Variants in HCRTR2 observed in about 807,000 individuals in gnomAD.
The protein encoded by HCRTR2 is hypocretin receptor 2.
HCRTR2 carries 22 observed loss-of-function variants against 49.0 expected under a neutral mutation model. That is an observed-to-expected ratio of 0.45 (90% CI 0.32 to 0.64). The LOEUF (loss-of-function observed/expected upper bound fraction) is 0.64. Ranked by LOEUF, HCRTR2 falls within the 30% of genes least tolerant of loss-of-function variation. HCRTR2 has a pLI of 0.04. For missense variants in HCRTR2, 491 were observed against 559.4 expected (o/e 0.88, Z 1.23); for synonymous variants, 236 against 205.3 (o/e 1.15, Z -1.28).
At chr6:55,169,175 A>C (rs939228842) in intron 1 of HCRTR2, among the ~76,000 whole-genome samples, 5 of 151,740 alleles carry the variant, frequency 3.3e-5, no homozygotes, top group African/African-American at 1.2e-4. Context: ...ATAAGACAGG[A>C]AGAGTGTTTA....
At chr6:55,197,607 C>G (rs1054102019) in intron 1 of HCRTR2, among the ~76,000 whole-genome samples, 2 of 152,088 alleles carry the variant, frequency 1.3e-5, no homozygotes, top group African/African-American at 2.4e-5. Flanking sequence ...TACCATAACC[C>G]TGAAACTAAG....
chr6:55,234,443 G>A (rs1411500028), intron 1 of HCRTR2, among the ~76,000 whole-genome samples: 1 of 152,130 alleles, frequency 6.6e-6, no homozygotes, highest in Non-Finnish European at 1.5e-5. Flanking sequence ...GGGAGAAATG[G>A]CTAGATTAAT....
chr6:55,266,207 T>C (rs1766857400), intron 4 of HCRTR2, among the ~76,000 whole-genome samples: 1 of 152,194 alleles, frequency 6.6e-6, no homozygotes, highest in South Asian at 2.1e-4. Context: ...ATGTGTTGAA[T>C]TGGTATATGT....
intron 4 of HCRTR2, among the ~76,000 whole-genome samples, chr6:55,269,298 A>G (rs961476777): frequency 6.6e-6 from 1 of 152,120 alleles, no homozygotes; most frequent in Non-Finnish European, 1.5e-5. Flanking sequence ...TATGTCTGCT[A>G]CAACCATTTT....
intron 4 of HCRTR2, among the ~76,000 whole-genome samples, chr6:55,273,478 CCCA>C (rs1452387295): frequency 2.0e-5 from 3 of 152,060 alleles, no homozygotes; most frequent in African/African-American, 7.2e-5. Flanking sequence ...TCCTCCTCCT[CCCA>C]GATAAAATTC....
At chr6:55,257,039 C>T (rs1261321651) in intron 3 of HCRTR2, among the ~76,000 whole-genome samples, 7 of 152,010 alleles carry the variant, frequency 4.6e-5, no homozygotes, top group African/African-American at 1.7e-4. Context: ...CAAAAATTCT[C>T]CAGACTGAGA....
At chr6:55,258,949 G>T (rs2127319446) in intron 3 of HCRTR2, among the ~76,000 whole-genome samples, 1 of 152,258 alleles carries the variant, frequency 6.6e-6, no homozygotes, top group African/African-American at 2.4e-5. Flanking sequence ...TACTCGGGAA[G>T]CTGAGGCAGG....
chr6:55,204,860 A>G (rs1018796183), intron 1 of HCRTR2, among the ~76,000 whole-genome samples: 1 of 150,464 alleles, frequency 6.6e-6, no homozygotes, highest in African/African-American at 2.5e-5. Context: ...ATCTCGACTC[A>G]CTGCAGCTTC....
chr6:55,171,476 A>G (rs1196269116), upstream of HCRTR2, among the ~76,000 whole-genome samples: 1 of 152,226 alleles, frequency 6.6e-6, no homozygotes, highest in Non-Finnish European at 1.5e-5. Flanking sequence ...TTATGTTTCA[A>G]AAGATATCAA....
chr6:55,128,910 G>C (rs1764317327), intron 1 of HCRTR2, among the ~76,000 whole-genome samples: 1 of 152,080 alleles, frequency 6.6e-6, no homozygotes, highest in African/African-American at 2.4e-5. Flanking sequence ...AGGAATAGAT[G>C]TTAAGTATTC....
Position 55,278,314 on chromosome 6 carries a change from T to C in HCRTR2, c.983+714T>C, listed in dbSNP as rs1335834911. On this transcript the variant is annotated intron_variant, in intron 5 of 6. Transcript: ENST00000370862. ...GGCCAGCCAACTTTATTGGGAATTA[T>C]CGAAACTGTTCCACATAGACTGGTC... is the stretch of plus-strand genomic sequence containing the variant. Among the ~76,000 whole-genome samples the C allele has an allele frequency of 2.0e-5, 3 of 152,222 alleles. No individual in the cohort carries two copies. The East Asian group carries it at 5.8e-4, about 29-fold the overall frequency.
At position 55,231,041 on chromosome 6, in the gene HCRTR2, A is replaced by C. The variant is rs1482220770; in HGVS notation, c.224-17598A>C. On this transcript the variant is annotated intron_variant, in intron 1 of 6. Coordinates refer to ENST00000370862, the MANE Select transcript of HCRTR2 (RefSeq NM_001384272.1). The stretch of plus-strand genomic sequence containing the variant: ...TAGGCCCTTGCTATTTCTAGACTTG[A>C]GTGTCATTCAGAAATATGGTTTAGG... Among the ~76,000 whole-genome samples, 4 of 152,138 alleles carry C rather than the reference A, an allele frequency of 2.6e-5. No homozygotes were observed. In the East Asian group the frequency reaches 7.7e-4, roughly 29 times the overall value.
chr6:55,111,276 C>T (rs1764045009), intron 1 of HCRTR2, among the ~76,000 whole-genome samples: 1 of 151,942 alleles, frequency 6.6e-6, no homozygotes. Flanking sequence ...GAAACAAGAA[C>T]AAACCAAACC....
rs747655014 is a variant in HCRTR2 at position 55,248,661 on chromosome 6, C to T, written c.246C>T (p.Asn82=). ...NVLVCVAVWK[N]HHMRTVTNYF... ...TAGTTTGTGTGGCAGTGTGGAAGAACCACCACATGAGGACGGTAACCAACT... is the reference window on the plus strand; with the variant it reads ...TAGTTTGTGTGGCAGTGTGGAAGAATCACCACATGAGGACGGTAACCAACT... Residue 82 remains asparagine (N), a synonymous_variant, in exon 2 of 7, where the codon AAC becomes AAT. Coordinates refer to ENST00000370862, the MANE Select transcript of HCRTR2 (RefSeq NM_001384272.1). 1.9e-6 allele frequency: 3 copies of T among 1,613,236 alleles called. No homozygotes were observed. The highest frequency in any genetic ancestry group is 2.2e-5 in the South Asian group (2 of 91,064).
intron 1 of HCRTR2, among the ~76,000 whole-genome samples, chr6:55,127,871 T>C (rs1195458164): frequency 1.3e-5 from 2 of 152,278 alleles, no homozygotes; most frequent in South Asian, 2.1e-4. Flanking sequence ...ATTTGTTAGA[T>C]TGTCTGTTTA....
At chr6:55,189,081 G>T (rs963546229) in intron 1 of HCRTR2, among the ~76,000 whole-genome samples, 6 of 152,078 alleles carry the variant, frequency 3.9e-5, no homozygotes, top group Non-Finnish European at 8.8e-5. Context: ...GAGTAATAAG[G>T]TCTTAATCTC....
chr6:55,172,482 A>T (rs1454762569), upstream of HCRTR2, among the ~76,000 whole-genome samples: 2 of 152,164 alleles, frequency 1.3e-5, no homozygotes, highest in African/African-American at 4.8e-5. Flanking sequence ...CTCAGGAAAT[A>T]TTTGGTAAAA....
At chr6:55,244,508 G>A (rs1766394172) in intron 1 of HCRTR2, among the ~76,000 whole-genome samples, 1 of 151,952 alleles carries the variant, frequency 6.6e-6, no homozygotes, top group Non-Finnish European at 1.5e-5. Flanking sequence ...AGATATTTTG[G>A]AGATTTCAAG....
At chr6:55,138,765 G>A (rs1291805169) in intron 1 of HCRTR2, among the ~76,000 whole-genome samples, 2 of 152,078 alleles carry the variant, frequency 1.3e-5, no homozygotes, top group African/African-American at 2.4e-5. Context: ...TTTCTAAATG[G>A]GTAGCCTAAC....
Sources: gnomAD v4.1 joint callset for allele counts (sites outside exome capture counted in the v4.1 genomes callset) on GRCh38, gnomAD v4.1.1 for gene constraint, MANE v1.5 for transcripts, NCBI Gene and HGNC (gene_info 2026-07-23, HGNC 2026-07-21) for gene names.